EBF1: variants seen among roughly 807,000 people sequenced by gnomAD.
The protein encoded by EBF1 is EBF transcription factor 1.
Under a neutral mutation model 68.4 loss-of-function variants are expected in EBF1, and 10 were observed. That is an observed-to-expected ratio of 0.15 (90% CI 0.09 to 0.25). The LOEUF (loss-of-function observed/expected upper bound fraction) is 0.25. Ranked by LOEUF, EBF1 falls within the 10% of genes least tolerant of loss-of-function variation. The pLI is 1.00. For synonymous variants in EBF1, 298 were observed against 299.8 expected (o/e 0.99, Z 0.06); for missense variants, 509 against 794.4 (o/e 0.64, Z 4.32).
At chr5:159,078,268 G>A (rs1779146411) in intron 5 of EBF1, among the ~76,000 whole-genome samples, 1 of 152,030 alleles carries the variant, frequency 6.6e-6, no homozygotes, top group Non-Finnish European at 1.5e-5. Context: ...GCTAAGCTCA[G>A]AAGGACCAAG....
At chr5:158,889,722 T>A (rs1459918161) in intron 6 of EBF1, among the ~76,000 whole-genome samples, 1 of 152,186 alleles carries the variant, frequency 6.6e-6, no homozygotes, top group Non-Finnish European at 1.5e-5. Context: ...TGTGAAGTCA[T>A]GGAATGAGCT....
intron 10 of EBF1, among the ~76,000 whole-genome samples, chr5:158,744,682 G>A (rs1194875400): frequency 2.0e-5 from 3 of 152,128 alleles, no homozygotes; most frequent in Non-Finnish European, 4.4e-5. Flanking sequence ...TTGTAGCTTA[G>A]CTTATCATAA....
chr5:158,816,481 G>A (rs1371920732), intron 8 of EBF1, among the ~76,000 whole-genome samples: 1 of 152,240 alleles, frequency 6.6e-6, no homozygotes, highest in Non-Finnish European at 1.5e-5. Flanking sequence ...TCTGTAAAAT[G>A]AGGAAGAGTG....
chr5:158,898,503 T>C (rs1245535451), intron 6 of EBF1, among the ~76,000 whole-genome samples: 1 of 152,242 alleles, frequency 6.6e-6, no homozygotes, highest in Non-Finnish European at 1.5e-5. Flanking sequence ...CTTTTTATTT[T>C]TGCAATGCAA....
intron 9 of EBF1, among the ~76,000 whole-genome samples, chr5:158,787,678 T>C (rs1163722941): frequency 1.3e-5 from 2 of 152,160 alleles, no homozygotes; most frequent in Non-Finnish European, 2.9e-5. Context: ...CTCTGTGACC[T>C]TCAGTTTCCT....
intron 6 of EBF1, among the ~76,000 whole-genome samples, chr5:158,990,870 A>G (rs903563231): frequency 2.0e-5 from 3 of 152,258 alleles, no homozygotes; most frequent in African/African-American, 7.2e-5. Flanking sequence ...CACTCAAGAC[A>G]TGGGCTAATC....
chr5:158,778,982 T>C (rs1047993274), intron 9 of EBF1, among the ~76,000 whole-genome samples: 5 of 152,160 alleles, frequency 3.3e-5, no homozygotes, highest in Non-Finnish European at 5.9e-5. Flanking sequence ...ACCTTCTAAT[T>C]TGCTCTTGTA....
chr5:158,932,894 G>GC lies in EBF1; in HGVS notation c.555-92785dup, dbSNP rs1328304409. Among the ~76,000 whole-genome samples the GC allele has an allele frequency of 2.0e-5, 3 of 152,260 alleles. No homozygotes were observed. In the East Asian group the frequency reaches 5.8e-4, roughly 29 times the overall value. ...ATGAGACAAGAGTGTAACATTTGGA[G>GC]CCCAGATCATTTCTTAGCATGGTCC... On this transcript the variant is annotated intron_variant, in intron 6 of 15. Coordinates refer to ENST00000313708, the MANE Select transcript of EBF1 (RefSeq NM_024007.5).
chr5:159,002,270 A>G (rs1404253036), intron 6 of EBF1, among the ~76,000 whole-genome samples: 1 of 152,032 alleles, frequency 6.6e-6, no homozygotes, highest in Non-Finnish European at 1.5e-5. Flanking sequence ...CCATAATTTG[A>G]AAACATAAAG....
chr5:159,073,079 C>T (rs73305714), intron 6 of EBF1, among the ~76,000 whole-genome samples: 2,935 of 152,234 alleles, frequency 0.019, 99 homozygotes, highest in African/African-American at 0.064. Flanking sequence ...TTTCATAAAT[C>T]ACAAACTATT....
intron 6 of EBF1, among the ~76,000 whole-genome samples, chr5:159,024,840 T>C (rs1767397936): frequency 6.6e-6 from 1 of 152,084 alleles, no homozygotes; most frequent in Non-Finnish European, 1.5e-5. Context: ...CAAGAAACAA[T>C]AAAAGTGAGG....
At chr5:159,022,074 A>AAAAAAAAAAC in intron 6 of EBF1, among the ~76,000 whole-genome samples, 1 of 151,706 alleles carries the variant, frequency 6.6e-6, no homozygotes, top group Admixed American at 6.6e-5. Context: ...AAAAAAAAAA[A>AAAAAAAAAAC]AAGGCAAGAG....
intron 9 of EBF1, among the ~76,000 whole-genome samples, chr5:158,783,272 G>T (rs1776769344): frequency 6.6e-6 from 1 of 152,068 alleles, no homozygotes; most frequent in Admixed American, 6.6e-5. Context: ...TGAGAAAAAT[G>T]TTATTTAAAA....
intron 6 of EBF1, among the ~76,000 whole-genome samples, chr5:158,859,914 G>A (rs1434238918): frequency 1.3e-5 from 2 of 152,168 alleles, no homozygotes; most frequent in African/African-American, 2.4e-5. Context: ...GATTTTAACC[G>A]TCTATGTGAA....
At chr5:158,878,786 G>A (rs868860992) in intron 6 of EBF1, among the ~76,000 whole-genome samples, 3 of 151,996 alleles carry the variant, frequency 2.0e-5, no homozygotes, top group Admixed American at 2.0e-4. Flanking sequence ...TGGGATTACA[G>A]GGATGTGCCA....
chr5:158,840,698 G>T (rs1452159971), intron 6 of EBF1, among the ~76,000 whole-genome samples: 3 of 100,374 alleles, frequency 3.0e-5, no homozygotes, highest in African/African-American at 1.1e-4. Flanking sequence ...TTGAGACGGA[G>T]TCTCGCTCTG....
chr5:158,964,475 G>A (rs1017912230), intron 6 of EBF1, among the ~76,000 whole-genome samples: 1 of 152,064 alleles, frequency 6.6e-6, no homozygotes, highest in Non-Finnish European at 1.5e-5. Flanking sequence ...GAGAGATAAT[G>A]GTGAATTCAA....
chr5:158,889,626 T>C (rs1800764669), intron 6 of EBF1, among the ~76,000 whole-genome samples: 2 of 152,220 alleles, frequency 1.3e-5, no homozygotes, highest in African/African-American at 2.4e-5. Context: ...TAAAGGTTTC[T>C]AGAATCTAGA....
chr5:159,028,546 T>G (rs1768146981), intron 6 of EBF1, among the ~76,000 whole-genome samples: 1 of 151,968 alleles, frequency 6.6e-6, no homozygotes, highest in African/African-American at 2.4e-5. Context: ...ATTCTACGGG[T>G]GGGGGTGAAG....
Sources: gnomAD v4.1 joint callset for allele counts (sites outside exome capture counted in the v4.1 genomes callset) on GRCh38, gnomAD v4.1.1 for gene constraint, MANE v1.5 for transcripts, NCBI Gene and HGNC (gene_info 2026-07-23, HGNC 2026-07-21) for gene names.